Variants in SLC16A2 observed in about 807,000 individuals in gnomAD.
SLC16A2 encodes the protein solute carrier family 16 member 2, also known as monocarboxylate transporter 8.
In SLC16A2, 3 loss-of-function variants were observed where a neutral mutation model predicts 27.2. The observed-to-expected ratio is 0.11, with a 90% CI of 0.05 to 0.28. SLC16A2 has a LOEUF of 0.28. SLC16A2 is among the 10% of genes least tolerant of loss of function. The probability of loss-of-function intolerance (pLI) is 1.00; values close to 1 mark genes in which losing one functional copy is unlikely to be tolerated. For missense variants in SLC16A2, 295 were observed against 458.5 expected, an observed-to-expected ratio of 0.64 and a Z score of 3.26; for synonymous variants, 202 against 187.8, an observed-to-expected ratio of 1.08 and a Z score of -0.62.
chrX:74,433,175 C>A (rs1928563317), intron 1 of SLC16A2, among the ~76,000 whole-genome samples: 1 of 110,798 alleles, frequency 9.0e-6, no homozygotes, highest in Non-Finnish European at 1.9e-5. Flanking sequence ...AGTTCAAGAC[C>A]AGCCTGGCCA....
intron 1 of SLC16A2, among the ~76,000 whole-genome samples, chrX:74,513,828 C>T (rs1355263667): frequency 9.0e-6 from 1 of 110,941 alleles, no homozygotes. Context: ...AATTTTATTG[C>T]CCTACTTAAA....
chrX:74,450,233 C>T (rs1174746716), intron 1 of SLC16A2, among the ~76,000 whole-genome samples: 1 of 112,504 alleles, frequency 8.9e-6, no homozygotes, highest in Non-Finnish European at 1.9e-5. Context: ...CAAGGGCTGG[C>T]TGGCACATAA....
chrX:74,465,258 C>T (rs1929230127), intron 1 of SLC16A2, among the ~76,000 whole-genome samples: 1 of 111,620 alleles, frequency 9.0e-6, no homozygotes. Context: ...AAGGATGACT[C>T]TTCAGGCCAT....
chrX:74,518,778 C>A (rs1381559358), intron 1 of SLC16A2, among the ~76,000 whole-genome samples: 2 of 110,782 alleles, frequency 1.8e-5, no homozygotes, highest in African/African-American at 6.6e-5. Flanking sequence ...TTCTTTTGCC[C>A]ATATTTTAAG....
chrX:74,496,700 C>T (rs1929943280), intron 1 of SLC16A2, among the ~76,000 whole-genome samples: 1 of 112,481 alleles, frequency 8.9e-6, no homozygotes, highest in African/African-American at 3.2e-5. Flanking sequence ...GGGTTCTTGC[C>T]TTGGTGTACC....
chrX:74,478,453 T>C (rs1219930759), intron 1 of SLC16A2, among the ~76,000 whole-genome samples: 1 of 112,085 alleles, frequency 8.9e-6, no homozygotes, highest in Non-Finnish European at 1.9e-5. Context: ...AGTCTATGCC[T>C]TTTAATTGGG....
At chrX:74,427,895 C>T (rs1928443534) in intron 1 of SLC16A2, among the ~76,000 whole-genome samples, 1 of 110,813 alleles carries the variant, frequency 9.0e-6, no homozygotes, top group Non-Finnish European at 1.9e-5. Context: ...TGAAATAAGT[C>T]ATTTCCCATC....
At chrX:74,500,996 T>C (rs1174910052) in intron 1 of SLC16A2, among the ~76,000 whole-genome samples, 1 of 108,424 alleles carries the variant, frequency 9.2e-6, no homozygotes, top group African/African-American at 3.4e-5. Flanking sequence ...TAATTTTTCT[T>C]CATATATTAG....
chrX:74,512,946 A>G (rs1047845465), intron 1 of SLC16A2, among the ~76,000 whole-genome samples: 3 of 111,319 alleles, frequency 2.7e-5, no homozygotes, highest in Non-Finnish European at 5.6e-5. Context: ...ACTTAGGTAC[A>G]GGCCTTTTGG....
intron 1 of SLC16A2, among the ~76,000 whole-genome samples, chrX:74,506,808 C>T (rs1225126959): frequency 1.8e-5 from 2 of 111,224 alleles, no homozygotes; most frequent in East Asian, 2.8e-4. Context: ...CTCCAAAGAT[C>T]GGGGTTTTTA....
chrX:74,435,554 T>TA (rs1491092189), intron 1 of SLC16A2, among the ~76,000 whole-genome samples: 1,126 of 76,115 alleles, frequency 0.015, 25 homozygotes, highest in African/African-American at 0.057. Context: ...TATATATATA[T>TA]TTTTTTTTTT....
At chrX:74,482,749 G>A (rs776391482) in intron 1 of SLC16A2, among the ~76,000 whole-genome samples, 1 of 110,554 alleles carries the variant, frequency 9.0e-6, no homozygotes, top group African/African-American at 3.3e-5. Context: ...CCAGGGTGGA[G>A]TGCAGTTGTA....
chrX:74,471,097 T>G (rs965752316), intron 1 of SLC16A2, among the ~76,000 whole-genome samples: 2 of 112,755 alleles, frequency 1.8e-5, no homozygotes, highest in African/African-American at 6.4e-5. Context: ...AGATTCTTAA[T>G]TTTAATTAAG....
At chrX:74,509,290 C>T (rs1416797245) in intron 1 of SLC16A2, among the ~76,000 whole-genome samples, 1 of 111,394 alleles carries the variant, frequency 9.0e-6, no homozygotes, top group Non-Finnish European at 1.9e-5. Flanking sequence ...AGTGTGGAAC[C>T]ATTCAGTCTT....
chrX:74,424,145 A>G (rs1483205676), intron 1 of SLC16A2, among the ~76,000 whole-genome samples: 4 of 110,025 alleles, frequency 3.6e-5, no homozygotes, highest in African/African-American at 1.0e-4. Flanking sequence ...TGGCTAGTGC[A>G]TACTCTGACA....
intron 2 of SLC16A2, among the ~76,000 whole-genome samples, chrX:74,521,637 C>T (rs911594223): frequency 3.4e-4 from 38 of 112,354 alleles, no homozygotes; most frequent in African/African-American, 1.2e-3. Flanking sequence ...GCACAGGATT[C>T]CCAAAGGAAT....
At chrX:74,474,936 C>A (rs1271157229) in intron 1 of SLC16A2, among the ~76,000 whole-genome samples, 15 of 110,526 alleles carry the variant, frequency 1.4e-4, no homozygotes, top group Admixed American at 2.9e-4. Context: ...GCCGCAATAA[C>A]CATACGTGTG....
chrX:74,434,067 A>T (rs775288388), intron 1 of SLC16A2, among the ~76,000 whole-genome samples: 1 of 111,765 alleles, frequency 8.9e-6, no homozygotes, highest in South Asian at 3.8e-4. Context: ...TCCACCTCCA[A>T]TTCAATTAAT....
At chrX:74,488,052 G>A (rs1044401166) in intron 1 of SLC16A2, among the ~76,000 whole-genome samples, 6 of 111,519 alleles carry the variant, frequency 5.4e-5, no homozygotes, top group African/African-American at 1.9e-4. Context: ...AGAGAGTTGA[G>A]ATTAAATTTA....
Sources: gnomAD v4.1 joint callset for allele counts (sites outside exome capture counted in the v4.1 genomes callset) on GRCh38, gnomAD v4.1.1 for gene constraint, MANE v1.5 for transcripts, NCBI Gene and HGNC (gene_info 2026-07-23, HGNC 2026-07-21) for gene names.